The following ABTB3 variants were observed in gnomAD, a reference collection of about 807,000 sequenced individuals.
ABTB3 encodes the protein ankyrin repeat and BTB domain containing 3.
the ABTB3 span, among the ~76,000 whole-genome samples, chr12:107,562,435 T>G: frequency 6.6e-6 from 1 of 152,190 alleles, no homozygotes; most frequent in African/African-American, 2.4e-5. Flanking sequence ...GGAAAGATAT[T>G]GCCAGGCAGA....
chr12:107,490,345 CATT>C, the ABTB3 span, among the ~76,000 whole-genome samples: 1 of 152,188 alleles, frequency 6.6e-6, no homozygotes, highest in Non-Finnish European at 1.5e-5. Context: ...CAACTGCCAT[CATT>C]GTGACTGGAA....
At chr12:107,574,053 A>G in the ABTB3 span, among the ~76,000 whole-genome samples, 2 of 152,222 alleles carry the variant, frequency 1.3e-5, no homozygotes, top group African/African-American at 2.4e-5. Context: ...TCTGCAGACA[A>G]TGCTTGGTTC....
the ABTB3 span, among the ~76,000 whole-genome samples, chr12:107,656,818 C>T: frequency 6.6e-6 from 1 of 152,262 alleles, no homozygotes; most frequent in Admixed American, 6.5e-5. Flanking sequence ...CCACCTGTAC[C>T]AGGAAGCTTT....
the ABTB3 span, among the ~76,000 whole-genome samples, chr12:107,345,935 T>C: frequency 7.3e-3 from 1,114 of 152,328 alleles, 21 homozygotes; most frequent in African/African-American, 0.025. Context: ...AGACATTATC[T>C]CAATTAATCT....
chr12:107,619,612 G>T, the ABTB3 span, among the ~76,000 whole-genome samples: 1 of 152,180 alleles, frequency 6.6e-6, no homozygotes, highest in African/African-American at 2.4e-5. Context: ...AAGTAGAGGG[G>T]ATGGAGCCTA....
the ABTB3 span, among the ~76,000 whole-genome samples, chr12:107,401,379 G>C: frequency 9.2e-5 from 14 of 152,290 alleles, no homozygotes; most frequent in South Asian, 8.3e-4. Context: ...CTCCGCTTTG[G>C]TGATTATATT....
chr12:107,351,482 C>T, the ABTB3 span, among the ~76,000 whole-genome samples: 10 of 152,276 alleles, frequency 6.6e-5, no homozygotes, highest in African/African-American at 2.4e-4. Context: ...TGAATGCATC[C>T]CCCAAGGTTC....
the ABTB3 span, among the ~76,000 whole-genome samples, chr12:107,365,932 C>T: frequency 6.6e-6 from 1 of 152,212 alleles, no homozygotes; most frequent in Non-Finnish European, 1.5e-5. Flanking sequence ...CACTGAGATC[C>T]GTCAACAGTT....
At chr12:107,441,179 T>C in the ABTB3 span, among the ~76,000 whole-genome samples, 1 of 152,180 alleles carries the variant, frequency 6.6e-6, no homozygotes, top group Non-Finnish European at 1.5e-5. Flanking sequence ...ATTGCAGCAC[T>C]ATTCACACTA....
the ABTB3 span, among the ~76,000 whole-genome samples, chr12:107,355,119 C>A: frequency 6.6e-6 from 1 of 152,200 alleles, no homozygotes; most frequent in Non-Finnish European, 1.5e-5. Context: ...CTCACCTGAG[C>A]GGGGGCTTTT....
At chr12:107,644,988 T>C in the ABTB3 span, among the ~76,000 whole-genome samples, 1 of 151,490 alleles carries the variant, frequency 6.6e-6, no homozygotes, top group African/African-American at 2.4e-5. Context: ...TTTTTTTTTT[T>C]TTGAGAAGAG....
At chr12:107,319,583 C>G in the ABTB3 span, 1 of 1,538,758 alleles carries the variant, frequency 6.5e-7, no homozygotes. Context: ...CTCCGTGGGC[C>G]GCGTGTATCG....
At chr12:107,653,914 A>C in the ABTB3 span, among the ~76,000 whole-genome samples, 1 of 152,156 alleles carries the variant, frequency 6.6e-6, no homozygotes. Flanking sequence ...TCCAAACTGA[A>C]ACTGTACCCT....
chr12:107,557,926 G>T, the ABTB3 span, among the ~76,000 whole-genome samples: 4 of 152,328 alleles, frequency 2.6e-5, no homozygotes, highest in Non-Finnish European at 4.4e-5. Flanking sequence ...AGGGAGGGGG[G>T]ACTCCGGGAG....
the ABTB3 span, among the ~76,000 whole-genome samples, chr12:107,356,898 C>T: frequency 6.6e-6 from 1 of 152,214 alleles, no homozygotes; most frequent in Non-Finnish European, 1.5e-5. Flanking sequence ...ATTCTCTTGT[C>T]CTTCAGAATC....
chr12:107,505,295 G>T, the ABTB3 span, among the ~76,000 whole-genome samples: 1 of 152,056 alleles, frequency 6.6e-6, no homozygotes, highest in Non-Finnish European at 1.5e-5. Flanking sequence ...TCAGAAAGGA[G>T]ACGTAATGAA....
At chr12:107,536,495 C>T in the ABTB3 span, among the ~76,000 whole-genome samples, 1 of 151,392 alleles carries the variant, frequency 6.6e-6, no homozygotes, top group African/African-American at 2.4e-5. Flanking sequence ...ATTCACCTGA[C>T]AAAGGACTAA....
chr12:107,413,089 A>ATG, the ABTB3 span, among the ~76,000 whole-genome samples: 31 of 152,094 alleles, frequency 2.0e-4, no homozygotes, highest in East Asian at 5.8e-3. Flanking sequence ...CCTGGCTAAC[A>ATG]CCGTGAAACC....
chr12:107,404,204 A>C, the ABTB3 span, among the ~76,000 whole-genome samples: 3 of 150,996 alleles, frequency 2.0e-5, no homozygotes, highest in Admixed American at 6.6e-5. Flanking sequence ...GAAGAAGAAG[A>C]AGTAAATGAC....
Sources: gnomAD v4.1 joint callset for allele counts (sites outside exome capture counted in the v4.1 genomes callset) on GRCh38, gnomAD v4.1.1 for gene constraint, MANE v1.5 for transcripts, NCBI Gene and HGNC (gene_info 2026-07-23, HGNC 2026-07-21) for gene names.